Variants in IGFL4 observed in about 807,000 individuals in gnomAD.
IGFL4 encodes the protein insulin growth factor-like family member 4.
A neutral mutation model predicts 15.4 loss-of-function variants in IGFL4; 12 were observed. The ratio of observed to expected loss-of-function variants is 0.78; its 90% CI spans 0.50 to 1.26. The LOEUF (loss-of-function observed/expected upper bound fraction) is 1.26. IGFL4 is among the 50% of genes most tolerant of loss of function. The pLI is 0.00. For missense variants in IGFL4, 126 were observed against 147.8 expected (o/e 0.85, Z 0.76); for synonymous variants, 54 against 55.9 (o/e 0.97, Z 0.16).
intron 1 of IGFL4, chr19:46,060,374 C>T (rs1052579803): frequency 2.0e-5 from 3 of 152,170 alleles, no homozygotes; most frequent in African/African-American, 7.2e-5. Flanking sequence ...TAGTTCAGTC[C>T]ATACAGATAA....
At chr19:46,057,945 C>T (rs1969408675) in intron 2 of IGFL4, 1 of 152,128 alleles carries the variant, frequency 6.6e-6, no homozygotes, top group South Asian at 2.1e-4. Context: ...ATGGGAGCTA[C>T]AATTCAAGAT....
At chr19:46,069,798 G>A (rs1423985972) in intron 1 of IGFL4, among the ~76,000 whole-genome samples, 1 of 152,180 alleles carries the variant, frequency 6.6e-6, no homozygotes, top group Non-Finnish European at 1.5e-5. Context: ...TTAGTCAACA[G>A]CAATAGATGT....
chr19:46,052,891 T>C (rs1461506423), intron 2 of IGFL4, among the ~76,000 whole-genome samples: 9 of 136,692 alleles, frequency 6.6e-5, no homozygotes, highest in African/African-American at 2.2e-4. Flanking sequence ...TTGGAAATGC[T>C]TGCTACTCTG....
intron 2 of IGFL4, among the ~76,000 whole-genome samples, chr19:46,048,505 A>G (rs773546844): frequency 6.6e-6 from 1 of 152,126 alleles, no homozygotes; most frequent in East Asian, 1.9e-4. Flanking sequence ...ACATAATCCT[A>G]TATCTAGAAA....
chr19:46,044,129 T>G (rs368666342), upstream of IGFL4, among the ~76,000 whole-genome samples: 12 of 152,272 alleles, frequency 7.9e-5, no homozygotes, highest in South Asian at 2.5e-3. Context: ...CAGTGAGTGA[T>G]TGTGCAACCC....
At chr19:46,074,833 C>T (rs1969580090) in intron 1 of IGFL4, among the ~76,000 whole-genome samples, 2 of 152,154 alleles carry the variant, frequency 1.3e-5, no homozygotes, top group African/African-American at 2.4e-5. Context: ...TCCTTCAATC[C>T]AATCGAGTTG....
At chr19:46,068,901 G>T (rs1209542239) in intron 1 of IGFL4, among the ~76,000 whole-genome samples, 1 of 152,214 alleles carries the variant, frequency 6.6e-6, no homozygotes, top group African/African-American at 2.4e-5. Flanking sequence ...TCTTTGTCCA[G>T]TTGACTTAAG....
Position 46,040,940 on chromosome 19 carries a change from T to C in IGFL4, c.19+4A>G. On this transcript the variant is annotated splice_donor_region_variant and intron_variant, in intron 1 of 3. Coordinates refer to ENST00000377697, the MANE Select transcript of IGFL4 (RefSeq NM_001002923.3). The surrounding 1 kb of genome is among the most constrained non-coding windows in gnomAD (Gnocchi z 4.1). ...AGCTTAGCCTAGGGCTGGGGTCTCC[T>C]TACCAGAAATTCTGGGCACCATGGG... 1 of 1,589,688 alleles carries C rather than the reference T, an allele frequency of 6.3e-7. No homozygotes were observed. Among genetic ancestry groups the C allele is most frequent in the Non-Finnish European group, 8.5e-7 (1 of 1,169,802 alleles).
intron 1 of IGFL4, among the ~76,000 whole-genome samples, chr19:46,074,888 T>C (rs1436542874): frequency 6.6e-6 from 1 of 152,184 alleles, no homozygotes; most frequent in Non-Finnish European, 1.5e-5. Context: ...CGCATGCAAG[T>C]ATTCCAAGAA....
chr19:46,075,942 C>T (rs986291414), intron 1 of IGFL4, among the ~76,000 whole-genome samples: 1 of 152,158 alleles, frequency 6.6e-6, no homozygotes, highest in African/African-American at 2.4e-5. Flanking sequence ...TCCATTCCTG[C>T]TGCTATAACA....
At chr19:46,044,363 G>A (rs1460656860), upstream of IGFL4, among the ~76,000 whole-genome samples, 2 of 152,108 alleles carry the variant, frequency 1.3e-5, no homozygotes, top group African/African-American at 4.8e-5. Flanking sequence ...TATGAAGGGG[G>A]CTGAATCCAG....
At chr19:46,054,005 T>C (rs1479970254) in intron 2 of IGFL4, among the ~76,000 whole-genome samples, 1 of 152,196 alleles carries the variant, frequency 6.6e-6, no homozygotes, top group African/African-American at 2.4e-5. Flanking sequence ...GTTTTTTGTA[T>C]ATTCTGGATA....
At chr19:46,062,369 A>G (rs1969452980) in intron 1 of IGFL4, among the ~76,000 whole-genome samples, 1 of 152,214 alleles carries the variant, frequency 6.6e-6, no homozygotes, top group East Asian at 1.9e-4. Context: ...CCAGGACACC[A>G]TTGGAGAATG....
Position 46,039,733 on chromosome 19 carries a change from C to A in IGFL4, c.*159G>T. On this transcript the variant is annotated 3_prime_UTR_variant, in exon 4 of 4. Transcript: ENST00000377697. ...TATAAGAATGCTTGTGATTTTTGTACATTGATTTTGTATCCTGAGACTTTG... is the reference window on the plus strand; with the variant it reads ...TATAAGAATGCTTGTGATTTTTGTAAATTGATTTTGTATCCTGAGACTTTG... 1.6e-6 allele frequency: 1 copy of A among 625,858 alleles called. No individual in the cohort carries two copies. Among genetic ancestry groups the A allele is most frequent in the East Asian group, 2.9e-5 (1 of 34,312 alleles). 38.8% of individuals were successfully genotyped at this position (625,858 alleles called of 1,614,324 possible).
intron 1 of IGFL4, among the ~76,000 whole-genome samples, chr19:46,065,326 TTTC>T (rs1422711796): frequency 6.6e-6 from 1 of 152,090 alleles, no homozygotes; most frequent in African/African-American, 2.4e-5. Flanking sequence ...TTTCTTTTCT[TTTC>T]TTTTCTTTTT....
rs1295105621 is a variant in IGFL4 at position 46,040,598 on chromosome 19, T to C, written c.20-30A>G. ...GAAGCAGAAGGAGAGCGAGAATGAT[T>C]CTGAGGTCACTAGGTCTTGACCACG... On this transcript the variant is annotated intron_variant, in intron 1 of 3. Transcript: ENST00000377697. The surrounding 1 kb of genome is among the most constrained non-coding windows in gnomAD (Gnocchi z 4.1). 1 of 1,613,190 alleles carries C rather than the reference T, an allele frequency of 6.2e-7. No homozygotes were observed. The highest frequency in any genetic ancestry group is 8.5e-7 in the Non-Finnish European group (1 of 1,179,476).
At chr19:46,062,763 C>T (rs1162758233) in intron 1 of IGFL4, 4 of 152,190 alleles carry the variant, frequency 2.6e-5, no homozygotes. Flanking sequence ...CCATTGCAGC[C>T]ACACTGAATC....
rs181494121 is a variant in IGFL4 at position 46,073,530 on chromosome 19, G to A, written c.-432+3490C>T. On this transcript the variant is annotated intron_variant, in intron 1 of 5. Coordinates refer to the IGFL4 transcript ENST00000601672. ...GTGCTGCACCAGGTCTAGGCCCTCT[G>A]TGTGATGGATGCGGTCCCGTAACCA... is the stretch of plus-strand genomic sequence containing the variant. Among the ~76,000 whole-genome samples the A allele has an allele frequency of 1.5e-3, 230 of 152,292 alleles. 1 individual carries two copies. Among genetic ancestry groups the A allele is most frequent in the African/African-American group, 4.9e-3 (203 of 41,564 alleles).
rs542902130 is a variant in IGFL4 at position 46,047,399 on chromosome 19, A to G, written c.-322-6289T>C. ...TAGCAGAAAACAAGAAATAACCAAG[A>G]TAAGTTATTGGTTAACAGAAATAAG... On this transcript the variant is annotated intron_variant, in intron 2 of 5. Transcript: ENST00000601672. Among the ~76,000 whole-genome samples the G allele has an allele frequency of 5.9e-5, 9 of 151,320 alleles. No homozygotes were observed. In the South Asian group the frequency reaches 1.9e-3, roughly 32 times the overall value.
Sources: allele counts gnomAD v4.1 joint callset (sites outside exome capture counted in the v4.1 genomes callset), GRCh38; gene constraint gnomAD v4.1.1; non-coding constraint Gnocchi (gnomAD v3.1); transcripts MANE v1.5; gene names NCBI Gene and HGNC (gene_info 2026-07-23, HGNC 2026-07-21).